Variants in AK3 observed in about 807,000 individuals in gnomAD.
AK3 encodes the protein adenylate kinase 3.
In AK3, 27 loss-of-function variants were observed where a neutral mutation model predicts 23.7. The observed-to-expected ratio is 1.14, with a 90% CI of 0.84 to 1.57. The LOEUF is 1.57. Ranked by LOEUF, AK3 falls within the 40% of genes most tolerant of loss-of-function variation. The pLI is 0.00. For synonymous variants in AK3, 159 were observed against 116.0 expected (o/e 1.37, Z -2.38); for missense variants, 406 against 285.6 (o/e 1.42, Z -3.04).
In AK3 at chr9:4,728,854, T is replaced by TACAC. The variant is rs1408805790; in HGVS notation, c.152-6230_152-6229insGTGT. On this transcript the variant is annotated intron_variant, in intron 1 of 4. Coordinates refer to ENST00000381809, the MANE Select transcript of AK3 (RefSeq NM_016282.4). ...CTACATATATATATATATATATATA[T>TACAC]ATATATATATATACACACACACACA... is the stretch of plus-strand genomic sequence containing the variant. 8.6e-3 allele frequency among the ~76,000 whole-genome samples: 405 copies of TACAC among 47,348 alleles called. 1 individual carries two copies. Among genetic ancestry groups the TACAC allele is most frequent in the Middle Eastern group, 0.018 (2 of 110 alleles). The allele number at this position is 47,348 out of a possible 152,430, so 31.1% of individuals were successfully genotyped here. A position where few individuals can be genotyped will look rare whatever the true frequency, so the allele number is the denominator to read the frequency against.
At chr9:4,740,058 T>TAAAAA (rs141239618) in intron 1 of AK3, among the ~76,000 whole-genome samples, 10 of 85,612 alleles carry the variant, frequency 1.2e-4, no homozygotes, top group Admixed American at 2.6e-4. Context: ...TTGCTATCCT[T>TAAAAA]ACAAAAAAAA....
At chr9:4,735,479 T>TATA (rs758311463) in intron 1 of AK3, among the ~76,000 whole-genome samples, 2,540 of 69,180 alleles carry the variant, frequency 0.037, 399 homozygotes, top group African/African-American at 0.14. Context: ...TATATATATA[T>TATA]TTTTTTTTTT....
rs993584075 is a variant in AK3, at chr9:4,710,631, T to C, written c.*2345A>G. 6.6e-6 allele frequency: 1 copy of C among 152,130 alleles called. No homozygotes were observed. The allele number at this position is 152,130 out of a possible 1,614,324, so 9.4% of individuals were successfully genotyped here. On this transcript the variant is annotated 3_prime_UTR_variant, in exon 5 of 5. Transcript: ENST00000381809. ...TTAATGATGGTCATTACAGAATTATTTTTTTGGGTGGGGGCAGTGGCTTAC... is the reference window on the plus strand; with the variant it reads ...TTAATGATGGTCATTACAGAATTATCTTTTTGGGTGGGGGCAGTGGCTTAC...
intron 1 of AK3, among the ~76,000 whole-genome samples, chr9:4,736,264 G>T (rs1350344748): frequency 6.6e-6 from 1 of 151,804 alleles, no homozygotes; most frequent in Non-Finnish European, 1.5e-5. Context: ...AATGAAATGG[G>T]GCACTCCATA....
At chr9:4,723,587 C>T (rs531400906) in intron 1 of AK3, among the ~76,000 whole-genome samples, 94 of 152,250 alleles carry the variant, frequency 6.2e-4, no homozygotes, top group African/African-American at 2.2e-3. Context: ...ATTTCTACAC[C>T]TTCAGAACCG....
chr9:4,728,860 T>TAC (rs1473100751), intron 1 of AK3, among the ~76,000 whole-genome samples: 2 of 73,060 alleles, frequency 2.7e-5, no homozygotes, highest in African/African-American at 8.8e-5. Flanking sequence ...TATATATATA[T>TAC]ATATATACAC....
chr9:4,729,015 A>ATATATATTT lies in AK3; in HGVS notation c.152-6391_152-6390insAAATATATA, dbSNP rs71326127. ...CACACACACATATATATATATATAT[A>ATATATATTT]TTTTTTTTTTTTGAGACGGAATTTT... is the stretch of plus-strand genomic sequence containing the variant. On this transcript the variant is annotated intron_variant, in intron 1 of 4. Coordinates refer to ENST00000381809, the MANE Select transcript of AK3 (RefSeq NM_016282.4). Among the ~76,000 whole-genome samples the ATATATATTT allele has an allele frequency of 2.4e-4, 31 of 129,434 alleles. 2 individuals carry two copies. Among genetic ancestry groups the ATATATATTT allele is most frequent in the African/African-American group, 6.8e-4 (23 of 34,022 alleles). 84.9% of individuals were successfully genotyped at this position (129,434 alleles called of 152,430 possible).
chr9:4,729,935 C>T (rs1011800348), intron 1 of AK3, among the ~76,000 whole-genome samples: 15 of 151,836 alleles, frequency 9.9e-5, no homozygotes, highest in African/African-American at 3.6e-4. Context: ...AGTCAAATGT[C>T]CATCAACTGA....
intron 2 of AK3, among the ~76,000 whole-genome samples, chr9:4,721,470 T>C (rs147584979): frequency 5.9e-5 from 9 of 152,034 alleles, no homozygotes; most frequent in African/African-American, 1.4e-4. Flanking sequence ...AACTTCTTTT[T>C]TTTTTCTGAG....
rs201693166 is a variant in AK3, at chr9:4,728,956, TAC to T, written c.152-6333_152-6332del. Among the ~76,000 whole-genome samples, 583 of 141,952 alleles carry T rather than the reference TAC, an allele frequency of 4.1e-3. 4 individuals carry two copies. The highest frequency in any genetic ancestry group is 0.014 in the African/African-American group (551 of 39,678). The allele number at this position is 141,952 out of a possible 152,430, so 93.1% of individuals were successfully genotyped here. ...ACATACATATATACATACATATATATACACATACATATATATACCTACATATA... is the reference window on the plus strand; with the variant it reads ...ACATACATATATACATACATATATATACATACATATATATACCTACATATA... On this transcript the variant is annotated intron_variant, in intron 1 of 4. Coordinates refer to ENST00000381809, the MANE Select transcript of AK3 (RefSeq NM_016282.4).
At position 4,722,622 on chromosome 9, in the gene AK3, A is replaced by G. The variant is rs374594568; in HGVS notation, c.155T>C (p.Ile52Thr). The change falls in exon 2 of 5, where the codon ATT becomes ACT. Residue 52 changes from isoleucine to threonine, a missense_variant. Physicochemically the swap from Ile to Thr is moderately conservative, Grantham distance 89 (BLOSUM62 -1). Transcript: ENST00000381809. ...LRDNMLRGTE[I>T]GVLAKAFIDQ... The stretch of plus-strand genomic sequence containing the variant: ...AATGAAAGCCTTGGCTAACACGCCA[A>G]TTTCTACAGCAAAGCGGGGAAAAAA... 6.2e-7 allele frequency: 1 copy of G among 1,614,064 alleles called. No homozygotes were observed. The highest frequency in any genetic ancestry group is 1.3e-5 in the African/African-American group (1 of 74,928).
intron 2 of AK3, among the ~76,000 whole-genome samples, chr9:4,720,474 A>G (rs1415745134): frequency 6.6e-6 from 1 of 152,162 alleles, no homozygotes; most frequent in East Asian, 1.9e-4. Context: ...GCTTGAGCCC[A>G]GGAGTTTGAG....
At chr9:4,737,766 A>T (rs1287726946) in intron 1 of AK3, among the ~76,000 whole-genome samples, 1 of 152,236 alleles carries the variant, frequency 6.6e-6, no homozygotes, top group Non-Finnish European at 1.5e-5. Context: ...AAATGTCTTA[A>T]GGTCAGATTC....
At chr9:4,737,264 A>C (rs1011733386) in intron 1 of AK3, among the ~76,000 whole-genome samples, 4 of 149,198 alleles carry the variant, frequency 2.7e-5, no homozygotes, top group African/African-American at 9.7e-5. Flanking sequence ...ATAAATAAAA[A>C]GTTTTTGTCT....
chr9:4,722,779 G>A (rs1022255996), intron 1 of AK3, among the ~76,000 whole-genome samples, 154 bp from the exon 2 acceptor site: 7 of 152,200 alleles, frequency 4.6e-5, no homozygotes, highest in African/African-American at 1.7e-4. Flanking sequence ...GGTTATGGCC[G>A]GGAACAGTGG....
chr9:4,741,298 G>C, upstream of AK3: 1 of 443,016 alleles, frequency 2.3e-6, no homozygotes, highest in East Asian at 3.8e-5. Context: ...CGGCTACCCC[G>C]GCGCACCCCC....
intron 1 of AK3, among the ~76,000 whole-genome samples, chr9:4,732,133 G>A (rs1305938553): frequency 2.6e-5 from 4 of 151,608 alleles, no homozygotes; most frequent in Admixed American, 6.6e-5. Flanking sequence ...TTACTTTTTT[G>A]TAGAGAGGGA....
At chr9:4,719,013 C>G in intron 3 of AK3, 122 bp downstream of exon 3, 1 of 1,142,482 alleles carries the variant, frequency 8.8e-7, no homozygotes. Context: ...TACCAAGTAA[C>G]CTGAGAATAT....
chr9:4,723,512 A>G (rs559955793), intron 1 of AK3, among the ~76,000 whole-genome samples: 1 of 152,318 alleles, frequency 6.6e-6, no homozygotes, highest in African/African-American at 2.4e-5. Context: ...TAATAATATT[A>G]CCTACAACTA....
Sources: gnomAD v4.1 joint callset for allele counts (sites outside exome capture counted in the v4.1 genomes callset) on GRCh38, gnomAD v4.1.1 for gene constraint, MANE v1.5 for transcripts, NCBI Gene and HGNC (gene_info 2026-07-23, HGNC 2026-07-21) for gene names.